TXLNB: variants seen among roughly 807,000 people sequenced by gnomAD.
TXLNB encodes taxilin beta.
Under a neutral mutation model 57.4 loss-of-function variants are expected in TXLNB, and 37 were observed. The ratio of observed to expected loss-of-function variants is 0.64; its 90% confidence interval spans 0.50 to 0.85. The LOEUF (loss-of-function observed/expected upper bound fraction) is 0.85, where lower values mean the gene tolerates loss of function less well. Ranked by LOEUF, TXLNB falls within the 40% of genes least tolerant of loss-of-function variation. The pLI is 0.00. For synonymous variants in TXLNB, 302 were observed against 309.6 expected (o/e 0.98, Z 0.26); for missense variants, 848 against 825.6 (o/e 1.03, Z -0.33).
chr6:139,207,570 A>G, the TXLNB span, among the ~76,000 whole-genome samples: 4 of 152,220 alleles, frequency 2.6e-5, no homozygotes, highest in Non-Finnish European at 5.9e-5. Context: ...CACATCTCAA[A>G]GAACTAGAGA....
intron 1 of TXLNB, among the ~76,000 whole-genome samples, chr6:139,290,395 C>G (rs1777278275): frequency 6.6e-6 from 1 of 152,022 alleles, no homozygotes; most frequent in Non-Finnish European, 1.5e-5. Context: ...CTAAACAAAA[C>G]AAAAGCATGA....
At chr6:139,308,913 CCAA>C in the TXLNB span, among the ~76,000 whole-genome samples, 44 of 152,316 alleles carry the variant, frequency 2.9e-4, no homozygotes, top group Admixed American at 7.8e-4. Context: ...CGCTTAGCAT[CCAA>C]GTCTTCTTTC....
At chr6:139,310,604 G>A in the TXLNB span, among the ~76,000 whole-genome samples, 6 of 152,334 alleles carry the variant, frequency 3.9e-5, 1 homozygote, top group African/African-American at 1.4e-4. Context: ...TAATGAAGAA[G>A]AGTTTAAATT....
downstream of TXLNB, chr6:139,240,028 CAA>C (rs555527341): frequency 2.0e-5 from 3 of 151,968 alleles, no homozygotes; most frequent in Non-Finnish European, 4.4e-5. Flanking sequence ...TAAAATAAGT[CAA>C]AGTTAAAAAA....
chr6:139,230,371 A>G, the TXLNB span, among the ~76,000 whole-genome samples: 4 of 152,224 alleles, frequency 2.6e-5, no homozygotes, highest in Admixed American at 6.5e-5. Flanking sequence ...TAAAACATAA[A>G]TGGATTGGAC....
chr6:139,215,554 A>C, the TXLNB span, among the ~76,000 whole-genome samples: 1 of 152,234 alleles, frequency 6.6e-6, no homozygotes, highest in African/African-American at 2.4e-5. Flanking sequence ...ACCATTCAGG[A>C]CACAGGCATG....
the TXLNB span, among the ~76,000 whole-genome samples, chr6:139,205,484 A>G: frequency 1.3e-5 from 2 of 152,310 alleles, no homozygotes; most frequent in Admixed American, 6.5e-5. Flanking sequence ...AGAGAAAAAA[A>G]CATTCAGAAC....
chr6:139,189,302 G>A, the TXLNB span, among the ~76,000 whole-genome samples: 1 of 152,176 alleles, frequency 6.6e-6, no homozygotes, highest in African/African-American at 2.4e-5. Flanking sequence ...AAAGTTCTAA[G>A]AAAATATCTA....
At chr6:139,315,430 T>C in the TXLNB span, among the ~76,000 whole-genome samples, 1 of 152,210 alleles carries the variant, frequency 6.6e-6, no homozygotes, top group Non-Finnish European at 1.5e-5. Flanking sequence ...GGCAGTTACA[T>C]TGTTTTTTCC....
intron 2 of TXLNB, among the ~76,000 whole-genome samples, chr6:139,279,022 A>G (rs1776977404): frequency 6.6e-6 from 1 of 152,240 alleles, no homozygotes; most frequent in South Asian, 2.1e-4. Context: ...CAACTAGCTC[A>G]AACTCGTATC....
intron 3 of TXLNB, among the ~76,000 whole-genome samples, chr6:139,273,978 G>A (rs147281802): frequency 6.6e-6 from 1 of 152,252 alleles, no homozygotes; most frequent in Non-Finnish European, 1.5e-5. Flanking sequence ...CTGTACAACT[G>A]TAATAGGCAT....
At position 139,262,732 on chromosome 6, in the gene TXLNB, C is replaced by T. The variant is rs773243106; in HGVS notation, c.729G>A (p.Arg243=). ...TCTGGAAATGGCTTGTGATTTCCTT[C>T]CTTTTCTCTTCTTCCTCACGTGCCC... ...LQRAREEEEK[R]KEITSHFQST... Residue 243 remains arginine, a synonymous_variant, in exon 5 of 10, where the codon AGG becomes AGA. Transcript: ENST00000358430. The T allele has an allele frequency of 2.5e-6, 4 of 1,613,964 alleles. No individual in the cohort carries two copies. In the African/African-American group the frequency reaches 4.0e-5, roughly 16 times the overall value.
At chr6:139,322,081 A>G in the TXLNB span, among the ~76,000 whole-genome samples, 3 of 152,034 alleles carry the variant, frequency 2.0e-5, no homozygotes, top group Non-Finnish European at 4.4e-5. Flanking sequence ...GCCTCCAGCA[A>G]TCGTCCCACT....
chr6:139,273,510 G>A (rs1247580347), intron 3 of TXLNB, among the ~76,000 whole-genome samples: 1 of 152,130 alleles, frequency 6.6e-6, no homozygotes, highest in Non-Finnish European at 1.5e-5. Context: ...CATCCAGGCT[G>A]GAGTGCAGTG....
rs1197446877 is a variant in TXLNB at position 139,243,231 on chromosome 6, CTCTT to C, written c.1346_1349del (p.Glu449GlyfsTer51). The C allele has an allele frequency of 3.1e-6, 5 of 1,614,094 alleles. No individual in the cohort carries two copies. The South Asian group carries it at 5.5e-5, about 18-fold the overall frequency. On this transcript the variant is annotated frameshift_variant, in exon 10 of 10. Coordinates refer to ENST00000358430, the MANE Select transcript of TXLNB (RefSeq NM_153235.4). LOFTEE classifies it low-confidence loss of function (END_TRUNC). ...TGATTTTTTTGTGGAGTTCGTTTCT[CTCTT>C]CTTGTAAAGCACGGCAGAGGTTCTC...
At chr6:139,233,208 T>A in the TXLNB span, among the ~76,000 whole-genome samples, 1 of 151,724 alleles carries the variant, frequency 6.6e-6, no homozygotes, top group Non-Finnish European at 1.5e-5. Flanking sequence ...CACATTCAAA[T>A]AATTTAAAAT....
chr6:139,200,373 G>C, the TXLNB span, among the ~76,000 whole-genome samples: 609 of 152,300 alleles, frequency 4.0e-3, 2 homozygotes, highest in Middle Eastern at 0.014. Flanking sequence ...GAGCATGGCA[G>C]ATAAGAGTAC....
At chr6:139,195,229 C>T in the TXLNB span, among the ~76,000 whole-genome samples, 1 of 152,174 alleles carries the variant, frequency 6.6e-6, no homozygotes, top group Non-Finnish European at 1.5e-5. Context: ...TTATGCCTCC[C>T]ATGTCCACTT....
At chr6:139,265,983 T>C (rs1776605339) in intron 4 of TXLNB, among the ~76,000 whole-genome samples, 1 of 152,206 alleles carries the variant, frequency 6.6e-6, no homozygotes. Flanking sequence ...TACACAAATC[T>C]GATTGGCCTT....
Sources: allele counts gnomAD v4.1 joint callset (sites outside exome capture counted in the v4.1 genomes callset), GRCh38; gene constraint gnomAD v4.1.1; transcripts MANE v1.5; gene names NCBI Gene and HGNC (gene_info 2026-07-23, HGNC 2026-07-21).